Variants in MAPDA observed in about 807,000 individuals in gnomAD.
The protein encoded by MAPDA is N6,N6-dimethyl-AMP deaminase.
the MAPDA span, among the ~76,000 whole-genome samples, chr15:43,339,714 A>G: frequency 6.6e-6 from 1 of 152,214 alleles, no homozygotes; most frequent in Non-Finnish European, 1.5e-5. Context: ...AGTTTTACTC[A>G]TATTTATCAC....
chr15:43,330,998 T>G, the MAPDA span: 2 of 152,474 alleles, frequency 1.3e-5, no homozygotes, highest in Non-Finnish European at 2.9e-5. Context: ...GTTGCTGATT[T>G]ATTTAATGCT....
chr15:43,341,221 G>A, the MAPDA span, among the ~76,000 whole-genome samples: 4 of 152,164 alleles, frequency 2.6e-5, no homozygotes, highest in African/African-American at 9.7e-5. Flanking sequence ...TTATTGTAAA[G>A]TATAAGTGTT....
chr15:43,348,629 T>C, the MAPDA span, among the ~76,000 whole-genome samples: 1 of 152,204 alleles, frequency 6.6e-6, no homozygotes, highest in Non-Finnish European at 1.5e-5. Flanking sequence ...TCTTAATACT[T>C]TTTAAGATTC....
the MAPDA span, among the ~76,000 whole-genome samples, chr15:43,341,964 G>A: frequency 2.6e-5 from 4 of 151,866 alleles, no homozygotes; most frequent in African/African-American, 4.8e-5. Context: ...TCAGCCTCCC[G>A]AGTAGCAGGG....
At chr15:43,343,680 GTA>G in the MAPDA span, among the ~76,000 whole-genome samples, 1 of 151,966 alleles carries the variant, frequency 6.6e-6, no homozygotes, top group Non-Finnish European at 1.5e-5. Flanking sequence ...GTGTTAGTTT[GTA>G]TATATGCCCA....
chr15:43,336,480 C>T, the MAPDA span: 1 of 604,706 alleles, frequency 1.7e-6, no homozygotes, highest in East Asian at 3.5e-5. Flanking sequence ...ATTATCTTTC[C>T]AGATCAATGT....
At chr15:43,330,589 A>G in the MAPDA span, 3 of 1,348,670 alleles carry the variant, frequency 2.2e-6, no homozygotes, top group East Asian at 2.7e-5. Flanking sequence ...AAAACCACCC[A>G]TGCTCCTGGA....
chr15:43,342,329 T>C, the MAPDA span, among the ~76,000 whole-genome samples: 1 of 151,680 alleles, frequency 6.6e-6, no homozygotes, highest in Non-Finnish European at 1.5e-5. Context: ...GCACTCAGAC[T>C]TGGAAGAACA....
At chr15:43,337,498 A>G in the MAPDA span, among the ~76,000 whole-genome samples, 14 of 152,206 alleles carry the variant, frequency 9.2e-5, no homozygotes, top group South Asian at 2.1e-4. Context: ...CTGAAGCTCC[A>G]TGATACTAGA....
the MAPDA span, chr15:43,349,475 T>C: frequency 2.1e-6 from 1 of 486,820 alleles, no homozygotes; most frequent in Non-Finnish European, 2.7e-6. Context: ...ATGAAGTGCC[T>C]ACTTTGTTGT....
At chr15:43,340,371 A>G in the MAPDA span, 2 of 1,595,868 alleles carry the variant, frequency 1.3e-6, no homozygotes, top group South Asian at 1.1e-5. Context: ...TATACTTCTC[A>G]GCAAATGTAC....
chr15:43,351,071 C>T, the MAPDA span: 14 of 1,533,804 alleles, frequency 9.1e-6, no homozygotes, highest in South Asian at 2.4e-5. Context: ...GTATTTTGCT[C>T]CTTTTTGCTC....
chr15:43,330,982 C>G, the MAPDA span: 5 of 152,700 alleles, frequency 3.3e-5, no homozygotes, highest in Non-Finnish European at 7.3e-5. Flanking sequence ...TCCTTGGGTG[C>G]TAATAGTTGC....
chr15:43,342,567 T>C, the MAPDA span, among the ~76,000 whole-genome samples: 8 of 151,112 alleles, frequency 5.3e-5, no homozygotes, highest in South Asian at 1.5e-3. Flanking sequence ...TTGGGCAACA[T>C]AGCAAAACCC....
At chr15:43,350,914 A>G in the MAPDA span, 25 of 1,525,934 alleles carry the variant, frequency 1.6e-5, no homozygotes, top group African/African-American at 2.8e-5. Context: ...GCTTTTAATA[A>G]GAGGTTTTTT....
the MAPDA span, among the ~76,000 whole-genome samples, chr15:43,337,811 G>C: frequency 1.3e-5 from 2 of 152,120 alleles, no homozygotes; most frequent in Admixed American, 6.5e-5. Context: ...AATGTTCCAG[G>C]CACTGTGCTA....
At chr15:43,344,088 C>T in the MAPDA span, among the ~76,000 whole-genome samples, 5 of 152,100 alleles carry the variant, frequency 3.3e-5, no homozygotes, top group East Asian at 5.8e-4. Flanking sequence ...TTAAATCCTG[C>T]ACTGGTACAC....
At chr15:43,351,146 C>G in the MAPDA span, 3 of 1,141,920 alleles carry the variant, frequency 2.6e-6, no homozygotes. Context: ...GAGGATAATG[C>G]CCAAGTAGAG....
At chr15:43,346,027 A>C in the MAPDA span, 2 of 1,610,160 alleles carry the variant, frequency 1.2e-6, no homozygotes, top group South Asian at 1.1e-5. Context: ...AGGTAGAATC[A>C]GTGGGATAAG....
Sources: allele counts gnomAD v4.1 joint callset (sites outside exome capture counted in the v4.1 genomes callset), GRCh38; gene constraint gnomAD v4.1.1; transcripts MANE v1.5; gene names NCBI Gene and HGNC (gene_info 2026-07-23, HGNC 2026-07-21).